CEP63: variants seen among roughly 807,000 people sequenced by gnomAD.
CEP63 encodes centrosomal protein 63.
In CEP63, 84 loss-of-function variants were observed where a neutral mutation model predicts 89.1. The ratio of observed to expected loss-of-function variants is 0.94; its 90% CI spans 0.79 to 1.13. CEP63 has a LOEUF of 1.13. Ranked by LOEUF, CEP63 falls within the 50% of genes most tolerant of loss-of-function variation. The pLI is 0.00. For missense variants in CEP63, 838 were observed against 813.3 expected (o/e 1.03, Z -0.37); for synonymous variants, 267 against 272.5 (o/e 0.98, Z 0.20).
the CEP63 span, among the ~76,000 whole-genome samples, chr3:134,707,405 G>C: frequency 6.6e-6 from 1 of 152,348 alleles, no homozygotes; most frequent in East Asian, 1.9e-4. Context: ...ACAGGGGCCA[G>C]AGGGCTACAC....
chr3:134,749,194 A>T, the CEP63 span, among the ~76,000 whole-genome samples: 1 of 152,236 alleles, frequency 6.6e-6, no homozygotes, highest in Non-Finnish European at 1.5e-5. Context: ...TGGAGAACTT[A>T]TGGAAACCCA....
At chr3:134,585,482 A>T (rs1262963467) in intron 10 of CEP63, among the ~76,000 whole-genome samples, 4 of 152,086 alleles carry the variant, frequency 2.6e-5, no homozygotes, top group Admixed American at 6.6e-5. Flanking sequence ...TTCAGTTTCC[A>T]TGTAGTTGTT....
chr3:134,598,758 T>C, the CEP63 span, among the ~76,000 whole-genome samples: 5 of 152,316 alleles, frequency 3.3e-5, no homozygotes, highest in East Asian at 7.7e-4. Context: ...TTTACTGAAC[T>C]GGGGACCCAG....
At position 134,552,028 on chromosome 3, in the gene CEP63, CTT is replaced by C. The variant is rs751844121; in HGVS notation, c.1467+17_1467+18del. On this transcript the variant is annotated intron_variant, in intron 12 of 14. Coordinates refer to ENST00000675561, the MANE Select transcript of CEP63 (RefSeq NM_001353108.3). ...TTTACATGAGGTACATAAATAGAAACTTAAGTTTTTCTACTATCCAAGCCTTC... is the reference window on the plus strand; with the variant it reads ...TTTACATGAGGTACATAAATAGAAACAAGTTTTTCTACTATCCAAGCCTTC... The C allele has an allele frequency of 1.4e-6, 2 of 1,450,128 alleles. No homozygotes were observed. Among genetic ancestry groups the C allele is most frequent in the Non-Finnish European group, 1.9e-6 (2 of 1,036,318 alleles). 89.8% of individuals were successfully genotyped at this position (1,450,128 alleles called of 1,614,324 possible). A position where few individuals can be genotyped will look rare whatever the true frequency, so the allele number is the denominator to read the frequency against.
At chr3:134,625,552 C>T in the CEP63 span, among the ~76,000 whole-genome samples, 5 of 152,344 alleles carry the variant, frequency 3.3e-5, no homozygotes, top group South Asian at 4.1e-4. Context: ...CAGTGCTGCT[C>T]GTGCTCACAA....
the CEP63 span, among the ~76,000 whole-genome samples, chr3:134,700,945 C>G: frequency 6.6e-6 from 1 of 152,070 alleles, no homozygotes; most frequent in Non-Finnish European, 1.5e-5. Flanking sequence ...TGCCTGCTTT[C>G]CATAGTACAT....
At chr3:134,781,420 A>T in the CEP63 span, among the ~76,000 whole-genome samples, 1 of 152,188 alleles carries the variant, frequency 6.6e-6, no homozygotes, top group Admixed American at 6.5e-5. Flanking sequence ...TCCAAGATAT[A>T]TTAGAGTTTT....
At chr3:134,682,518 G>A in the CEP63 span, among the ~76,000 whole-genome samples, 1 of 152,156 alleles carries the variant, frequency 6.6e-6, no homozygotes, top group Non-Finnish European at 1.5e-5. Flanking sequence ...TGTGTGATTT[G>A]TTCTTTCTGA....
chr3:134,691,011 A>G, the CEP63 span, among the ~76,000 whole-genome samples: 1 of 152,186 alleles, frequency 6.6e-6, no homozygotes, highest in East Asian at 1.9e-4. Flanking sequence ...GGCCTCCCAA[A>G]GTGCTGGAAT....
Position 134,562,317 on chromosome 3 carries a change from A to G in CEP63, c.*782A>G. Reference sequence around the variant, plus strand: ...TCCACCAGGGAGGCTGTGGAGAGAGAGAGGAGCAGGAGGCTGGGTTTGGGG... The same window carrying G: ...TCCACCAGGGAGGCTGTGGAGAGAGGGAGGAGCAGGAGGCTGGGTTTGGGG... On this transcript the variant is annotated 3_prime_UTR_variant, in exon 15 of 15. Transcript: ENST00000675561. The G allele has an allele frequency of 1.3e-6, 1 of 764,946 alleles. No homozygotes were observed. The highest frequency in any genetic ancestry group is 1.6e-6 in the Non-Finnish European group (1 of 628,498). 47.4% of individuals were successfully genotyped at this position (764,946 alleles called of 1,614,324 possible).
chr3:134,639,463 C>G, the CEP63 span, among the ~76,000 whole-genome samples: 1 of 152,238 alleles, frequency 6.6e-6, no homozygotes, highest in Non-Finnish European at 1.5e-5. Flanking sequence ...CCATTAGGAA[C>G]GGAAAACAAA....
chr3:134,728,265 G>A, the CEP63 span, among the ~76,000 whole-genome samples: 7 of 152,236 alleles, frequency 4.6e-5, no homozygotes, highest in African/African-American at 1.7e-4. Flanking sequence ...AGTGCATACT[G>A]GGACAACTTT....
rs184763382 is a variant in CEP63, at chr3:134,556,362, C to G, written c.1468-1780C>G. The stretch of plus-strand genomic sequence containing the variant: ...AACCTACAAAATGGGAGAAAATTTT[C>G]GAAAGGATTTATTTTTAAAGCGCAA... On this transcript the variant is annotated intron_variant, in intron 12 of 14. Coordinates refer to ENST00000675561, the MANE Select transcript of CEP63 (RefSeq NM_001353108.3). Among the ~76,000 whole-genome samples the G allele has an allele frequency of 4.6e-3, 696 of 151,340 alleles. 5 individuals are homozygous for G. The highest frequency in any genetic ancestry group is 7.1e-3 in the Non-Finnish European group (479 of 67,896).
the CEP63 span, among the ~76,000 whole-genome samples, chr3:134,667,900 G>T: frequency 1.3e-5 from 2 of 152,212 alleles, no homozygotes. Flanking sequence ...AGCAAAGTAG[G>T]CAACAAATAT....
At chr3:134,588,489 G>A (rs1958532313), downstream of CEP63, among the ~76,000 whole-genome samples, 2 of 152,250 alleles carry the variant, frequency 1.3e-5, no homozygotes, top group Admixed American at 6.5e-5. Flanking sequence ...ACACTTGGGT[G>A]AAAGAAATAA....
chr3:134,582,705 T>G (rs550798602), intron 10 of CEP63, among the ~76,000 whole-genome samples: 10 of 152,202 alleles, frequency 6.6e-5, no homozygotes, highest in African/African-American at 2.4e-4. Context: ...ATAATGGGAT[T>G]GCTGGGTCAA....
At chr3:134,657,260 T>C in the CEP63 span, among the ~76,000 whole-genome samples, 1 of 152,162 alleles carries the variant, frequency 6.6e-6, no homozygotes, top group Non-Finnish European at 1.5e-5. Context: ...AGGAGAACAG[T>C]ATGGGAAAGA....
the CEP63 span, among the ~76,000 whole-genome samples, chr3:134,747,373 C>G: frequency 6.6e-6 from 1 of 152,206 alleles, no homozygotes; most frequent in Non-Finnish European, 1.5e-5. Context: ...GACATTGTCC[C>G]TGCCATCAGG....
chr3:134,524,505 T>C (rs13066291), intron 3 of CEP63, among the ~76,000 whole-genome samples: 16,320 of 152,188 alleles, frequency 0.11, 1,194 homozygotes, highest in Non-Finnish European at 0.16. Flanking sequence ...CAGTATGATA[T>C]TGGCTTTGGG....
Sources: allele counts gnomAD v4.1 joint callset (sites outside exome capture counted in the v4.1 genomes callset), GRCh38; gene constraint gnomAD v4.1.1; transcripts MANE v1.5; gene names NCBI Gene and HGNC (gene_info 2026-07-23, HGNC 2026-07-21).